STEAP1B: variants seen among roughly 807,000 people sequenced by gnomAD.
The protein encoded by STEAP1B is STEAP family protein MGC87042.
A neutral mutation model predicts 27.9 loss-of-function variants in STEAP1B; 13 were observed. The ratio of observed to expected loss-of-function variants is 0.47; its 90% CI spans 0.30 to 0.74. The LOEUF is 0.74. STEAP1B is among the 30% of genes least tolerant of loss of function. The probability of loss-of-function intolerance (pLI) is 0.06; values close to 1 mark genes in which losing one functional copy is unlikely to be tolerated. For synonymous variants in STEAP1B, 86 were observed against 107.1 expected, an observed-to-expected ratio of 0.80 and a Z score of 1.22; for missense variants, 250 against 298.7, an observed-to-expected ratio of 0.84 and a Z score of 1.20.
intron 4 of STEAP1B, among the ~76,000 whole-genome samples, chr7:22,420,687 A>C (rs1785033457): frequency 6.6e-6 from 1 of 152,206 alleles, no homozygotes. Context: ...ATCCTTGAGG[A>C]CTTGAGAGCT....
chr7:22,497,898 G>C (rs963331603), intron 1 of STEAP1B, among the ~76,000 whole-genome samples: 1 of 152,144 alleles, frequency 6.6e-6, no homozygotes, highest in Non-Finnish European at 1.5e-5. Context: ...CAACCTTTTT[G>C]GCACCAGGGA....
chr7:22,450,211 C>T (rs570945926), intron 4 of STEAP1B, among the ~76,000 whole-genome samples: 1 of 150,648 alleles, frequency 6.6e-6, no homozygotes, highest in African/African-American at 2.5e-5. Flanking sequence ...TGGAGTATCA[C>T]TCAAGTGCTT....
intron 4 of STEAP1B, among the ~76,000 whole-genome samples, chr7:22,473,541 T>C (rs1313913066): frequency 6.6e-6 from 1 of 152,230 alleles, no homozygotes; most frequent in Non-Finnish European, 1.5e-5. Flanking sequence ...TCTTGAGTGC[T>C]GAAATGATGA....
chr7:22,478,062 C>A (rs752076152), intron 4 of STEAP1B, among the ~76,000 whole-genome samples: 2 of 152,160 alleles, frequency 1.3e-5, no homozygotes, highest in African/African-American at 4.8e-5. Context: ...GGCTGCTGGG[C>A]GGCCTGAGAG....
intron 4 of STEAP1B, among the ~76,000 whole-genome samples, chr7:22,425,126 C>T (rs1785090121): frequency 6.6e-6 from 1 of 152,110 alleles, no homozygotes; most frequent in East Asian, 1.9e-4. Flanking sequence ...TCCAGAATAG[C>T]TCATTGCCTG....
chr7:22,485,309 C>T (rs557103531), intron 4 of STEAP1B, among the ~76,000 whole-genome samples: 1 of 152,316 alleles, frequency 6.6e-6, no homozygotes, highest in African/African-American at 2.4e-5. Context: ...GCAACCTCCA[C>T]CCTAATCAGT....
chr7:22,466,092 A>G (rs1274448273), intron 4 of STEAP1B, among the ~76,000 whole-genome samples: 1 of 152,182 alleles, frequency 6.6e-6, no homozygotes, highest in Admixed American at 6.5e-5. Flanking sequence ...TACTGCTCTC[A>G]GCTCCATTTA....
intron 1 of STEAP1B, 55 bp downstream of exon 1, chr7:22,500,059 C>G (rs1786510089): frequency 6.5e-6 from 1 of 152,798 alleles, no homozygotes; most frequent in Non-Finnish European, 1.5e-5. Flanking sequence ...CTTGCAGGGA[C>G]ACGCAGGCGG....
At chr7:22,463,687 G>C (rs988185856) in intron 4 of STEAP1B, among the ~76,000 whole-genome samples, 3 of 152,096 alleles carry the variant, frequency 2.0e-5, no homozygotes, top group African/African-American at 4.8e-5. Context: ...ACAAACCTGA[G>C]AAAAACAAGC....
intron 4 of STEAP1B, among the ~76,000 whole-genome samples, chr7:22,456,877 A>G (rs1188399723): frequency 6.8e-6 from 1 of 147,116 alleles, no homozygotes; most frequent in East Asian, 2.0e-4. Flanking sequence ...GGAACTCGCC[A>G]AGCCCAGCTG....
chr7:22,471,719 T>C (rs977671869), intron 4 of STEAP1B, among the ~76,000 whole-genome samples: 2 of 152,064 alleles, frequency 1.3e-5, no homozygotes, highest in East Asian at 1.9e-4. Flanking sequence ...CTGGGCAATA[T>C]AGCAAGACAC....
chr7:22,482,372 C>G (rs963349966), intron 4 of STEAP1B, among the ~76,000 whole-genome samples: 1 of 152,102 alleles, frequency 6.6e-6, no homozygotes, highest in African/African-American at 2.4e-5. Context: ...ACAAGTATGG[C>G]CTAAGTTGTT....
intron 4 of STEAP1B, among the ~76,000 whole-genome samples, chr7:22,439,448 C>A (rs1583632250): frequency 6.6e-6 from 1 of 151,088 alleles, no homozygotes; most frequent in African/African-American, 2.4e-5. Context: ...TTTTTTCATA[C>A]AAGTCATGAA....
rs1583641468 is a variant in STEAP1B, at chr7:22,459,191, A to C, written c.762+33374T>G. ...AGTGCAGAAAATGTCACTCCTCTAG[A>C]GCATAGGCACAGGCTTTGATTCAAT... On this transcript the variant is annotated intron_variant, in intron 4 of 4. Transcript: ENST00000678116. Among the ~76,000 whole-genome samples, 3 of 152,302 alleles carry C rather than the reference A, an allele frequency of 2.0e-5. No homozygotes were observed. In the South Asian group the frequency reaches 6.2e-4, roughly 32 times the overall value.
intron 4 of STEAP1B, among the ~76,000 whole-genome samples, chr7:22,476,239 G>A (rs1043540635): frequency 3.9e-5 from 6 of 152,142 alleles, no homozygotes; most frequent in Middle Eastern, 3.2e-3. Context: ...AAGCAACACC[G>A]ATGTTGTACC....
intron 4 of STEAP1B, among the ~76,000 whole-genome samples, chr7:22,465,436 T>C (rs775527312): frequency 6.6e-5 from 10 of 152,052 alleles, no homozygotes; most frequent in Non-Finnish European, 1.0e-4. Context: ...TTACCTGCAA[T>C]GTGCTTTTTC....
intron 4 of STEAP1B, among the ~76,000 whole-genome samples, chr7:22,454,827 T>TTA (rs58507500): frequency 1.0e-3 from 92 of 88,746 alleles, no homozygotes; most frequent in Middle Eastern, 7.2e-3. Context: ...AAAGAAAATA[T>TTA]TATATATATA....
chr7:22,450,770 C>T (rs1258075937), intron 4 of STEAP1B, among the ~76,000 whole-genome samples: 2 of 152,064 alleles, frequency 1.3e-5, no homozygotes, highest in Non-Finnish European at 2.9e-5. Flanking sequence ...TTGATTATTC[C>T]TATCCATGAA....
At position 22,493,818 on chromosome 7, in the gene STEAP1B, T is replaced by C. The variant is rs757458724; in HGVS notation, c.103A>G (p.Thr35Ala). 7.4e-6 allele frequency: 12 copies of C among 1,611,102 alleles called. No homozygotes were observed. The highest frequency in any genetic ancestry group is 1.0e-5 in the Non-Finnish European group (12 of 1,178,458). Residue 35 changes from threonine to alanine, a missense_variant, in exon 3 of 5, where the codon ACC (threonine) becomes GCC (alanine). Coordinates refer to ENST00000678116, the MANE Select transcript of STEAP1B (RefSeq NM_001382447.1). Reference protein sequence around the residue: ...NDYLHEDTGETSMLKRPVLLH... With the variant: ...NDYLHEDTGEASMLKRPVLLH... ...AGCACAGGTCTTTTTAGCATGCTGG[T>C]CTCTCCCGTGTCCTCATGCTACAAA...
Sources: gnomAD v4.1 joint callset for allele counts (sites outside exome capture counted in the v4.1 genomes callset) on GRCh38, gnomAD v4.1.1 for gene constraint, MANE v1.5 for transcripts, NCBI Gene and HGNC (gene_info 2026-07-23, HGNC 2026-07-21) for gene names.